The following ATG10 variants were observed in gnomAD, a reference collection of about 807,000 sequenced individuals.
ATG10 encodes the protein ubiquitin-like-conjugating enzyme ATG10.
A neutral mutation model predicts 32.1 loss-of-function variants in ATG10; 30 were observed. That is an observed-to-expected ratio of 0.94 (90% CI 0.70 to 1.27). The LOEUF is 1.27. ATG10 is among the 50% of genes most tolerant of loss of function. ATG10 has a pLI of 0.00. For missense variants in ATG10, 233 were observed against 262.3 expected (o/e 0.89, Z 0.77); for synonymous variants, 87 against 91.5 (o/e 0.95, Z 0.28).
intron 2 of ATG10, among the ~76,000 whole-genome samples, chr5:82,023,162 C>A (rs1762497484): frequency 6.6e-6 from 1 of 151,816 alleles, no homozygotes; most frequent in Admixed American, 6.6e-5. Context: ...TGATGACTAT[C>A]CAGCATGACT....
chr5:82,227,354 T>C (rs1336779284), intron 5 of ATG10, among the ~76,000 whole-genome samples: 1 of 151,542 alleles, frequency 6.6e-6, no homozygotes, highest in South Asian at 2.1e-4. Flanking sequence ...TTCACACACA[T>C]ATATATATAT....
intron 3 of ATG10, among the ~76,000 whole-genome samples, chr5:82,062,105 C>T (rs13156144): frequency 0.35 from 52,422 of 151,854 alleles, 10,339 homozygotes; most frequent in East Asian, 0.76. Context: ...GCTGAGATTA[C>T]AGGCATGAGC....
chr5:81,978,417 C>G (rs971684962), intron 1 of ATG10, among the ~76,000 whole-genome samples: 1 of 152,124 alleles, frequency 6.6e-6, no homozygotes, highest in Non-Finnish European at 1.5e-5. Flanking sequence ...ACCCCATTAT[C>G]TCCTTATTTC....
At chr5:82,064,019 A>G (rs1763866718) in intron 3 of ATG10, among the ~76,000 whole-genome samples, 1 of 152,192 alleles carries the variant, frequency 6.6e-6, no homozygotes, top group African/African-American at 2.4e-5. Flanking sequence ...AAAGGGATTG[A>G]TTGTGCTCAT....
At chr5:82,148,124 A>G (rs1033525267) in intron 3 of ATG10, 1 of 152,004 alleles carries the variant, frequency 6.6e-6, no homozygotes, top group Admixed American at 6.6e-5. Flanking sequence ...AACCACACCT[A>G]TTTTTCTGTG....
At chr5:82,090,494 G>A in intron 3 of ATG10, among the ~76,000 whole-genome samples, 1 of 152,250 alleles carries the variant, frequency 6.6e-6, no homozygotes, top group South Asian at 2.1e-4. Context: ...TGAATGAATA[G>A]AGTCAGTCTT....
At chr5:82,171,583 A>G (rs1461936659) in intron 4 of ATG10, among the ~76,000 whole-genome samples, 1 of 152,182 alleles carries the variant, frequency 6.6e-6, no homozygotes, top group African/African-American at 2.4e-5. Context: ...TGGTGGTAGA[A>G]ATGGGGCTCT....
intron 2 of ATG10, among the ~76,000 whole-genome samples, chr5:82,029,792 T>C (rs1287556298): frequency 6.6e-6 from 1 of 152,230 alleles, no homozygotes; most frequent in Non-Finnish European, 1.5e-5. Flanking sequence ...AAGTTAACTC[T>C]TGGAACCTAT....
At chr5:82,252,799 G>C in intron 6 of ATG10, 140 bp downstream of exon 6, 2 of 603,484 alleles carry the variant, frequency 3.3e-6, no homozygotes, top group Non-Finnish European at 2.9e-6. Flanking sequence ...GGATATGCTA[G>C]ATGCTGTTCT....
intron 3 of ATG10, among the ~76,000 whole-genome samples, chr5:82,107,610 T>G (rs1394518454): frequency 6.6e-6 from 1 of 152,116 alleles, no homozygotes; most frequent in East Asian, 1.9e-4. Context: ...ACTGTATAGT[T>G]TTAACTTCTC....
At chr5:82,152,288 C>T (rs1177986244) in intron 3 of ATG10, among the ~76,000 whole-genome samples, 1 of 152,174 alleles carries the variant, frequency 6.6e-6, no homozygotes, top group Non-Finnish European at 1.5e-5. Flanking sequence ...GGCTGCCGCC[C>T]CAGGACTACT....
intron 5 of ATG10, among the ~76,000 whole-genome samples, chr5:82,180,213 C>T (rs899700210): frequency 6.6e-6 from 1 of 152,198 alleles, no homozygotes; most frequent in African/African-American, 2.4e-5. Context: ...TTATCTTCTA[C>T]TCCTCTGCTC....
intron 5 of ATG10, chr5:82,242,753 G>T: frequency 2.6e-6 from 1 of 382,222 alleles, no homozygotes; most frequent in Non-Finnish European, 5.1e-6. Context: ...AAAAATGAGG[G>T]CAATATAAAG....
intron 3 of ATG10, among the ~76,000 whole-genome samples, chr5:82,098,822 C>T (rs1765163332): frequency 6.6e-6 from 1 of 152,188 alleles, no homozygotes; most frequent in Non-Finnish European, 1.5e-5. Context: ...TTAAGTGATC[C>T]ACAACAAGTC....
chr5:82,123,169 C>G (rs143014948), intron 3 of ATG10, among the ~76,000 whole-genome samples: 93 of 152,318 alleles, frequency 6.1e-4, no homozygotes, highest in African/African-American at 2.0e-3. Flanking sequence ...CCATAGAATA[C>G]TATGCAGCTA....
rs903332248 is a variant in ATG10, at chr5:82,074,291, A to G, written c.216+15689A>G. ...ATAATTTAATTGTAAGACTTAGAAA[A>G]ACGTAAACGCCATCTCACAATGTGA... is the stretch of plus-strand genomic sequence containing the variant. On this transcript the variant is annotated intron_variant, in intron 3 of 7. Coordinates refer to ENST00000282185, the MANE Select transcript of ATG10 (RefSeq NM_031482.5). Among the ~76,000 whole-genome samples, 9 of 152,314 alleles carry G rather than the reference A, an allele frequency of 5.9e-5. No homozygotes were observed. In the East Asian group the frequency reaches 1.3e-3, roughly 23 times the overall value.
At chr5:81,980,421 G>A (rs1234543780) in intron 1 of ATG10, among the ~76,000 whole-genome samples, 1 of 152,118 alleles carries the variant, frequency 6.6e-6, no homozygotes, top group Non-Finnish European at 1.5e-5. Context: ...CATGTTGACT[G>A]GTCAGAGTGA....
At chr5:82,233,018 GA>G (rs1274138934) in intron 5 of ATG10, among the ~76,000 whole-genome samples, 1 of 152,042 alleles carries the variant, frequency 6.6e-6, no homozygotes, top group East Asian at 1.9e-4. Flanking sequence ...CTTTCTGCCT[GA>G]AATGTTCTTC....
At chr5:81,983,238 C>G (rs1001603887) in intron 1 of ATG10, among the ~76,000 whole-genome samples, 2 of 139,728 alleles carry the variant, frequency 1.4e-5, no homozygotes, top group Non-Finnish European at 3.3e-5. Flanking sequence ...GGGGCTGACC[C>G]CCCCCCCCAC....
Sources: gnomAD v4.1 joint callset for allele counts (sites outside exome capture counted in the v4.1 genomes callset) on GRCh38, gnomAD v4.1.1 for gene constraint, MANE v1.5 for transcripts, NCBI Gene and HGNC (gene_info 2026-07-23, HGNC 2026-07-21) for gene names.